Variants in CFAP299 observed in about 807,000 individuals in gnomAD.
The protein encoded by CFAP299 is cilia and flagella associated protein 299, also known as cilia- and flagella-associated protein 299.
Under a neutral mutation model 27.0 loss-of-function variants are expected in CFAP299, and 21 were observed. That is an observed-to-expected ratio of 0.78 (90% CI 0.55 to 1.12). The LOEUF is 1.12. CFAP299 is among the 50% of genes most tolerant of loss of function. The pLI, the probability that CFAP299 is intolerant of heterozygous loss-of-function variation, is 0.00. For synonymous variants in CFAP299, 104 were observed against 98.1 expected (o/e 1.06, Z -0.36); for missense variants, 310 against 276.6 (o/e 1.12, Z -0.86).
At chr4:80,588,034 C>G (rs1736537829) in intron 3 of CFAP299, among the ~76,000 whole-genome samples, 1 of 151,240 alleles carries the variant, frequency 6.6e-6, no homozygotes, top group Non-Finnish European at 1.5e-5. Context: ...GAGGAAGAAG[C>G]TAGGCAGAGA....
chr4:80,478,025 C>T (rs999898668), intron 2 of CFAP299, among the ~76,000 whole-genome samples: 4 of 152,168 alleles, frequency 2.6e-5, no homozygotes, highest in Admixed American at 6.5e-5. Flanking sequence ...CAGTTATTTA[C>T]TCTCCCGCTG....
chr4:80,401,871 C>G (rs570037416), intron 2 of CFAP299, among the ~76,000 whole-genome samples: 85 of 152,268 alleles, frequency 5.6e-4, no homozygotes, highest in South Asian at 1.0e-3. Flanking sequence ...TGCAAAGCCA[C>G]AGGGATGGAG....
intron 2 of CFAP299, among the ~76,000 whole-genome samples, chr4:80,443,376 A>G (rs572220510): frequency 1.3e-5 from 2 of 152,346 alleles, no homozygotes; most frequent in South Asian, 4.1e-4. Flanking sequence ...CTGGTTCAAC[A>G]TGCACAAGTC....
chr4:80,592,431 G>C (rs2109887596), intron 3 of CFAP299, among the ~76,000 whole-genome samples: 1 of 152,208 alleles, frequency 6.6e-6, no homozygotes, highest in Non-Finnish European at 1.5e-5. Context: ...AAGTACCATG[G>C]CTTTCATGTT....
At chr4:80,674,185 C>T (rs1719228772) in intron 3 of CFAP299, among the ~76,000 whole-genome samples, 2 of 151,954 alleles carry the variant, frequency 1.3e-5, no homozygotes, top group South Asian at 2.1e-4. Context: ...ATGTTTAGTG[C>T]TTCTTTCAGG....
At chr4:80,746,552 T>C (rs1359531864) in intron 3 of CFAP299, among the ~76,000 whole-genome samples, 2 of 152,040 alleles carry the variant, frequency 1.3e-5, no homozygotes, top group African/African-American at 4.8e-5. Flanking sequence ...GAGCAGTCTC[T>C]CCTAGTTTGT....
At position 80,546,878 on chromosome 4, in the gene CFAP299, T is replaced by A. The variant is rs1011995451; in HGVS notation, c.243-36215T>A. Among the ~76,000 whole-genome samples, 3 of 152,142 alleles carry A rather than the reference T, an allele frequency of 2.0e-5. No homozygotes were observed. The South Asian group carries it at 6.2e-4, about 32-fold the overall frequency. ...TTTCTTTGTAAATTGCTCGGCCTCA[T>A]GTGTTTCTTTATAGCAATGCAAGAA... On this transcript the variant is annotated intron_variant, in intron 2 of 5. Coordinates refer to ENST00000358105, the MANE Select transcript of CFAP299 (RefSeq NM_152770.3).
intron 3 of CFAP299, among the ~76,000 whole-genome samples, chr4:80,622,665 A>T (rs1002466545): frequency 5.9e-5 from 9 of 152,160 alleles, no homozygotes; most frequent in Non-Finnish European, 1.0e-4. Flanking sequence ...ATCAAATAAT[A>T]TCAGTGAAAG....
intron 2 of CFAP299, among the ~76,000 whole-genome samples, chr4:80,519,194 GTGTA>G (rs148672647): frequency 7.7e-6 from 1 of 130,444 alleles, no homozygotes; most frequent in African/African-American, 3.0e-5. Context: ...GTGTGTGTGT[GTGTA>G]TGTGTGTGTG....
intron 4 of CFAP299, among the ~76,000 whole-genome samples, chr4:80,907,988 T>C (rs1377727008): frequency 6.6e-6 from 1 of 152,216 alleles, no homozygotes; most frequent in Non-Finnish European, 1.5e-5. Flanking sequence ...ACACTGGCTT[T>C]GCATGCAGAG....
chr4:80,351,891 T>C (rs1452031507), intron 1 of CFAP299, among the ~76,000 whole-genome samples: 2 of 150,286 alleles, frequency 1.3e-5, no homozygotes, highest in African/African-American at 4.9e-5. Flanking sequence ...TTAATAATTA[T>C]GATTTATAAA....
At chr4:80,466,897 G>A (rs1729731448) in intron 2 of CFAP299, among the ~76,000 whole-genome samples, 1 of 152,210 alleles carries the variant, frequency 6.6e-6, no homozygotes, top group African/African-American at 2.4e-5. Context: ...GTAGAAAACT[G>A]TGTGCCAAAG....
At chr4:80,660,928 A>G (rs775131418) in intron 3 of CFAP299, among the ~76,000 whole-genome samples, 18 of 152,176 alleles carry the variant, frequency 1.2e-4, no homozygotes, top group African/African-American at 4.8e-5. Flanking sequence ...AGTAGGTCAG[A>G]TACAACAAAA....
At chr4:80,743,961 G>T (rs1265764650) in intron 3 of CFAP299, among the ~76,000 whole-genome samples, 5 of 152,162 alleles carry the variant, frequency 3.3e-5, no homozygotes. Context: ...TTCCTTGGGA[G>T]ATTTACTTTA....
intron 3 of CFAP299, among the ~76,000 whole-genome samples, chr4:80,599,927 A>T (rs1383468716): frequency 6.6e-6 from 1 of 152,142 alleles, no homozygotes; most frequent in Non-Finnish European, 1.5e-5. Flanking sequence ...ATATACTTGA[A>T]ATTGGGATAC....
chr4:80,377,664 G>A (rs1263050750), intron 2 of CFAP299, among the ~76,000 whole-genome samples: 6 of 151,946 alleles, frequency 3.9e-5, no homozygotes, highest in Non-Finnish European at 8.8e-5. Flanking sequence ...CTGGGATTTT[G>A]CTAAAATAGT....
chr4:80,708,591 A>G (rs1032772965), intron 3 of CFAP299, among the ~76,000 whole-genome samples: 3 of 152,148 alleles, frequency 2.0e-5, no homozygotes, highest in African/African-American at 7.2e-5. Flanking sequence ...AATATTTATG[A>G]AAAAGTGCCT....
At chr4:80,958,491 CAT>C (rs1419811435) in intron 5 of CFAP299, among the ~76,000 whole-genome samples, 2 of 152,132 alleles carry the variant, frequency 1.3e-5, no homozygotes, top group Admixed American at 1.3e-4. Context: ...AATAAGATCA[CAT>C]GTCATTTTCA....
intron 3 of CFAP299, among the ~76,000 whole-genome samples, chr4:80,664,803 G>A (rs1434514976): frequency 6.6e-6 from 1 of 152,168 alleles, no homozygotes; most frequent in Non-Finnish European, 1.5e-5. Context: ...AGCTAGCTCT[G>A]TGTCTGCCCA....
Sources: gnomAD v4.1 joint callset for allele counts (sites outside exome capture counted in the v4.1 genomes callset) on GRCh38, gnomAD v4.1.1 for gene constraint, MANE v1.5 for transcripts, NCBI Gene and HGNC (gene_info 2026-07-23, HGNC 2026-07-21) for gene names.